The following ZNF148 variants were observed in gnomAD, a reference collection of about 807,000 sequenced individuals.
The protein encoded by ZNF148 is Beta-Enolase Repressor Factor-1.
ZNF148 carries 7 observed loss-of-function variants against 67.7 expected under a neutral mutation model. The ratio of observed to expected loss-of-function variants is 0.10; its 90% confidence interval spans 0.06 to 0.19. The LOEUF (loss-of-function observed/expected upper bound fraction) is 0.19. ZNF148 is among the 10% of genes least tolerant of loss of function. ZNF148 has a pLI of 1.00. For missense variants in ZNF148, 583 were observed against 947.1 expected (o/e 0.62, Z 5.05); for synonymous variants, 333 against 330.7 (o/e 1.01, Z -0.08).
intron 1 of ZNF148, among the ~76,000 whole-genome samples, chr3:125,350,699 G>T (rs1229883096): frequency 6.6e-6 from 1 of 152,182 alleles, no homozygotes; most frequent in African/African-American, 2.4e-5. Flanking sequence ...GAATGTAAGA[G>T]AATCTAATGC....
At chr3:125,248,693 T>C (rs561079581) in intron 7 of ZNF148, among the ~76,000 whole-genome samples, 29 of 152,362 alleles carry the variant, frequency 1.9e-4, no homozygotes, top group Non-Finnish European at 3.5e-4. Flanking sequence ...TTTAATTTCA[T>C]ATACACTGTA....
intron 1 of ZNF148, chr3:125,344,075 A>G: frequency 5.4e-6 from 1 of 185,574 alleles, no homozygotes. Flanking sequence ...GCACGCATTA[A>G]ATTACTTGAG....
rs1940334871 is a variant in ZNF148, at chr3:125,313,581, C to T, written c.60G>A (p.Met20Ile). The change falls in exon 4 of 9, where the codon ATG (methionine) becomes ATA (isoleucine). Residue 20 changes from methionine (M) to isoleucine (I), a missense_variant. By Grantham distance (10) the Met-to-Ile change is conservative (BLOSUM62 1). Around this residue, in one of 5 missense-constraint regions of ZNF148, gnomAD observed 150 missense variants for 202.5 expected, o/e 0.74. Transcript: ENST00000360647. ...LFLKCGGIDE[M>I]QSSRTMVVMG... is the part of the protein sequence containing the mutation. ...TTACAACCATTGTCCTGGAAGACTG[C>T]ATTTCGTCTATGCCGCCACATTTAA... 6.2e-7 allele frequency: 1 copy of T among 1,614,066 alleles called. No homozygotes were observed. Among genetic ancestry groups the T allele is most frequent in the Non-Finnish European group, 8.5e-7 (1 of 1,180,022 alleles).
intron 4 of ZNF148, among the ~76,000 whole-genome samples, chr3:125,300,591 T>C: frequency 6.6e-6 from 1 of 152,234 alleles, no homozygotes; most frequent in East Asian, 1.9e-4. Flanking sequence ...TTACACATGC[T>C]GCTTTATAGC....
intron 2 of ZNF148, among the ~76,000 whole-genome samples, chr3:125,325,494 CTCACT>C (rs1559758011): frequency 6.6e-5 from 10 of 152,098 alleles, no homozygotes; most frequent in African/African-American, 2.4e-4. Flanking sequence ...GAGACAGAGT[CTCACT>C]CAGTTGCCCA....
chr3:125,280,777 G>T (rs1238066271), intron 5 of ZNF148, among the ~76,000 whole-genome samples: 2 of 136,326 alleles, frequency 1.5e-5, no homozygotes, highest in African/African-American at 5.5e-5. Flanking sequence ...AAAAAAAAAG[G>T]CACAACATTA....
intron 7 of ZNF148, among the ~76,000 whole-genome samples, chr3:125,261,352 G>A (rs1370428307): frequency 6.6e-6 from 1 of 152,154 alleles, no homozygotes; most frequent in African/African-American, 2.4e-5. Flanking sequence ...AATCTAAAGT[G>A]ACCCTAATTC....
intron 4 of ZNF148, among the ~76,000 whole-genome samples, chr3:125,306,709 A>G (rs1424297105): frequency 6.6e-6 from 1 of 152,104 alleles, no homozygotes; most frequent in Non-Finnish European, 1.5e-5. Context: ...AATTTTTTCT[A>G]ATTAGCCTGA....
At chr3:125,364,135 A>G (rs1293615345) in intron 1 of ZNF148, among the ~76,000 whole-genome samples, 1 of 152,228 alleles carries the variant, frequency 6.6e-6, no homozygotes, top group Non-Finnish European at 1.5e-5. Flanking sequence ...ATGGTGGCTC[A>G]TGCCTGTAAT....
At chr3:125,320,710 T>A (rs1432712590) in intron 3 of ZNF148, among the ~76,000 whole-genome samples, 1 of 152,156 alleles carries the variant, frequency 6.6e-6, no homozygotes, top group Admixed American at 6.5e-5. Context: ...CCATTCAATC[T>A]AAAATGAAAC....
At chr3:125,291,172 C>A (rs1367863548) in intron 4 of ZNF148, among the ~76,000 whole-genome samples, 1 of 152,106 alleles carries the variant, frequency 6.6e-6, no homozygotes, top group East Asian at 1.9e-4. Flanking sequence ...TCTCAACATC[C>A]TGCACCCATA....
intron 4 of ZNF148, among the ~76,000 whole-genome samples, chr3:125,309,157 A>C (rs1940059998): frequency 1.3e-5 from 2 of 152,228 alleles, no homozygotes; most frequent in African/African-American, 4.8e-5. Flanking sequence ...TGGATTATGG[A>C]TTATACAAGT....
At chr3:125,333,187 C>T (rs1272949776) in intron 1 of ZNF148, among the ~76,000 whole-genome samples, 1 of 152,168 alleles carries the variant, frequency 6.6e-6, no homozygotes, top group East Asian at 1.9e-4. Context: ...AGCATACTCA[C>T]CTTCTTGCAT....
intron 1 of ZNF148, among the ~76,000 whole-genome samples, chr3:125,361,029 GA>G (rs954330715): frequency 1.3e-5 from 2 of 151,586 alleles, no homozygotes; most frequent in African/African-American, 4.8e-5. Flanking sequence ...GACCCTGTCT[GA>G]AAAATTAAAA....
intron 1 of ZNF148, among the ~76,000 whole-genome samples, chr3:125,342,343 CAAAAAAAAAAGACA>C (rs1225676579): frequency 2.0e-3 from 29 of 14,650 alleles, no homozygotes; most frequent in South Asian, 5.5e-3. Flanking sequence ...AAACTAAAGA[CAAAAAAAAAAGACA>C]AAAAAAAAAC....
intron 1 of ZNF148, among the ~76,000 whole-genome samples, chr3:125,372,961 C>T (rs1010082756): frequency 2.0e-5 from 3 of 151,542 alleles, no homozygotes; most frequent in Admixed American, 6.6e-5. Context: ...AGTGAAACTC[C>T]GTCTCAAAAA....
chr3:125,290,522 T>C (rs1414276322), intron 4 of ZNF148, among the ~76,000 whole-genome samples: 1 of 152,198 alleles, frequency 6.6e-6, no homozygotes, highest in African/African-American at 2.4e-5. Context: ...TTCATGTACA[T>C]GTATACTGTT....
intron 4 of ZNF148, among the ~76,000 whole-genome samples, chr3:125,303,384 C>T (rs771627582): frequency 6.6e-6 from 1 of 152,196 alleles, no homozygotes; most frequent in Non-Finnish European, 1.5e-5. Flanking sequence ...GTTAGGAACC[C>T]GGCTGCACAT....
chr3:125,302,345 T>G (rs1939636355), intron 4 of ZNF148, among the ~76,000 whole-genome samples: 1 of 146,514 alleles, frequency 6.8e-6, no homozygotes, highest in Admixed American at 6.9e-5. Flanking sequence ...GCCACTGCAC[T>G]CCAGCCTGGG....
Sources: gnomAD v4.1 joint callset for allele counts (sites outside exome capture counted in the v4.1 genomes callset) on GRCh38, gnomAD v4.1.1 for gene constraint, gnomAD v4.1.1 regional missense constraint, MANE v1.5 for transcripts, NCBI Gene and HGNC (gene_info 2026-07-23, HGNC 2026-07-21) for gene names.